WDR27: variants seen among roughly 807,000 people sequenced by gnomAD.
WDR27 encodes the protein WD repeat domain 27.
In WDR27, 100 loss-of-function variants were observed where a neutral mutation model predicts 114.4. The observed-to-expected ratio is 0.87, with a 90% CI of 0.74 to 1.03. The LOEUF (loss-of-function observed/expected upper bound fraction) is 1.03, where lower values mean the gene tolerates loss of function less well. WDR27 is among the 50% of genes least tolerant of loss of function. WDR27 has a pLI of 0.00. For synonymous variants in WDR27, 449 were observed against 423.1 expected, an observed-to-expected ratio of 1.06 and a Z score of -0.75; for missense variants, 1,129 against 1,092.9, an observed-to-expected ratio of 1.03 and a Z score of -0.47.
At chr6:169,522,496 C>T (rs572982021) in intron 25 of WDR27, among the ~76,000 whole-genome samples, 245 of 152,150 alleles carry the variant, frequency 1.6e-3, no homozygotes, top group Middle Eastern at 3.4e-3. Context: ...GAACATTTCA[C>T]GCAGTTGCTG....
chr6:169,656,406 A>C (rs968232593), intron 13 of WDR27, among the ~76,000 whole-genome samples: 13 of 151,998 alleles, frequency 8.6e-5, no homozygotes, highest in African/African-American at 3.1e-4. Flanking sequence ...TTCCCTGGGG[A>C]CCTGCCTGTG....
At chr6:169,467,647 C>A (rs771409393) in intron 25 of WDR27, among the ~76,000 whole-genome samples, 8 of 152,194 alleles carry the variant, frequency 5.3e-5, no homozygotes, top group South Asian at 2.1e-4. Context: ...AGCAGCAAAG[C>A]CCTGGGACCA....
chr6:169,693,526 A>G (rs937413073), intron 1 of WDR27, among the ~76,000 whole-genome samples: 2 of 152,230 alleles, frequency 1.3e-5, no homozygotes, highest in Non-Finnish European at 2.9e-5. Context: ...GCTCCACTGG[A>G]AAGATACAAA....
rs145440232 is a variant in WDR27 at position 169,583,512 on chromosome 6, TAC to T, written c.2425-580_2425-579del. 2.3e-3 allele frequency among the ~76,000 whole-genome samples: 89 copies of T among 38,890 alleles called. 1 individual carries two copies. The highest frequency in any genetic ancestry group is 9.2e-3 in the South Asian group (11 of 1,192). The allele number at this position is 38,890 out of a possible 152,430, so 25.5% of individuals were successfully genotyped here. On this transcript the variant is annotated intron_variant, in intron 23 of 25. Transcript: ENST00000448612. ...ACATATATATATATATATGTATATA[TAC>T]ACACACACACACACACACACACACA...
chr6:169,527,212 T>A (rs868742448), intron 25 of WDR27, among the ~76,000 whole-genome samples: 35 of 152,204 alleles, frequency 2.3e-4, no homozygotes, highest in African/African-American at 8.2e-4. Flanking sequence ...ACAGCATTAT[T>A]CACTATAGCC....
chr6:169,521,144 G>T (rs1794327943), intron 25 of WDR27, among the ~76,000 whole-genome samples: 1 of 151,698 alleles, frequency 6.6e-6, no homozygotes, highest in African/African-American at 2.4e-5. Flanking sequence ...AGCAGCAAGA[G>T]AAAAGTAAAT....
intron 25 of WDR27, among the ~76,000 whole-genome samples, chr6:169,500,503 G>A (rs1045158215): frequency 6.6e-6 from 1 of 152,196 alleles, no homozygotes; most frequent in Non-Finnish European, 1.5e-5. Flanking sequence ...TAACTTCTGA[G>A]CTGGGACCTA....
At chr6:169,452,451 C>G (rs924890800), downstream of WDR27, among the ~76,000 whole-genome samples, 1 of 152,252 alleles carries the variant, frequency 6.6e-6, no homozygotes, top group Non-Finnish European at 1.5e-5. Context: ...TGTGAAGAAA[C>G]GGCTGCAGTG....
chr6:169,480,862 T>G (rs1680572159), intron 25 of WDR27, among the ~76,000 whole-genome samples: 1 of 148,152 alleles, frequency 6.7e-6, no homozygotes, highest in African/African-American at 2.6e-5. Context: ...TGTGTCTAGC[T>G]AAAAGTTTGT....
In WDR27 at chr6:169,633,075, T is replaced by A; in HGVS notation, c.2102-7A>T. The A allele has an allele frequency of 1.3e-6, 2 of 1,574,966 alleles. No homozygotes were observed. The highest frequency in any genetic ancestry group is 8.7e-7 in the Non-Finnish European group (1 of 1,149,972). ...CCAGCTGCGAGTACGATGTCTGCGA[T>A]AATCCAGTTAGGGAGCTCTTCTCAA... On this transcript the variant is annotated splice_region_variant and splice_polypyrimidine_tract_variant and intron_variant, in intron 20 of 25. Transcript: ENST00000448612.
intron 25 of WDR27, among the ~76,000 whole-genome samples, chr6:169,557,538 T>C (rs1232696500): frequency 3.9e-5 from 6 of 152,244 alleles, no homozygotes; most frequent in Non-Finnish European, 8.8e-5. Flanking sequence ...CATGTGCTTA[T>C]TCAGTGCCTC....
chr6:169,465,054 T>A (rs1221486920), intron 25 of WDR27, among the ~76,000 whole-genome samples: 1 of 134,852 alleles, frequency 7.4e-6, no homozygotes, highest in Non-Finnish European at 1.6e-5. Flanking sequence ...AGGTCAGGAG[T>A]TCAAGAGCAG....
rs933820323 is a variant in WDR27, at chr6:169,624,736, G to A, written c.2223+8211C>T. ...CACTGAGAAGAGAGCTCACCTGACC[G>A]TCAACTAGAGCCCTTGCTGTGGCCT... On this transcript the variant is annotated intron_variant, in intron 21 of 25. Coordinates refer to ENST00000448612, the MANE Select transcript of WDR27 (RefSeq NM_182552.5). Among the ~76,000 whole-genome samples the A allele has an allele frequency of 3.9e-5, 6 of 152,284 alleles. No individual in the cohort carries two copies. The South Asian group carries it at 6.2e-4, about 16-fold the overall frequency.
rs1805321029 is a variant in WDR27 at position 169,589,659 on chromosome 6, C to A, written c.2425-6725G>T. 2.0e-5 allele frequency among the ~76,000 whole-genome samples: 3 copies of A among 152,056 alleles called. No individual in the cohort carries two copies. The South Asian group carries it at 6.2e-4, about 32-fold the overall frequency. On this transcript the variant is annotated intron_variant, in intron 23 of 25. Transcript: ENST00000448612. ...ACATGTGACACAGCAATTGGAAGCCCAAATATCAATATTTTAGTAGATAGG... is the reference window on the plus strand; with the variant it reads ...ACATGTGACACAGCAATTGGAAGCCAAAATATCAATATTTTAGTAGATAGG...
In WDR27 at chr6:169,701,867, C is replaced by T. The variant is rs1483003019; in HGVS notation, c.-324G>A. ...GCCCTAGGCACACGCCCCAGAGCAG[C>T]AGCTCGGGTTCGGCGCCGACTCCGC... is the stretch of plus-strand genomic sequence containing the variant. On this transcript the variant is annotated 5_prime_UTR_variant, in exon 1 of 26. Transcript: ENST00000448612. 5.9e-6 allele frequency: 2 copies of T among 340,798 alleles called. No individual in the cohort carries two copies. Among genetic ancestry groups the T allele is most frequent in the African/African-American group, 2.2e-5 (1 of 44,878 alleles). The allele number at this position is 340,798 out of a possible 1,614,324, so 21.1% of individuals were successfully genotyped here.
rs1487809684 is a variant in WDR27, at chr6:169,684,899, C to T, written c.189+3918G>A. On this transcript the variant is annotated intron_variant, in intron 2 of 25. Transcript: ENST00000448612. The surrounding 1 kb of genome is among the most constrained non-coding windows in gnomAD (Gnocchi z 4.3). The stretch of plus-strand genomic sequence containing the variant: ...CCTGGCCACAATAACATCCCTGTGG[C>T]CCCAACCCCAGCAAGCCAGACCCCA... 6.6e-6 allele frequency among the ~76,000 whole-genome samples: 1 copy of T among 152,190 alleles called. No individual in the cohort carries two copies. The highest frequency in any genetic ancestry group is 1.5e-5 in the Non-Finnish European group (1 of 68,044).
rs143053647 is a variant in WDR27 at position 169,651,815 on chromosome 6, T to C, written c.1481+115A>G. 5.5e-4 allele frequency: 477 copies of C among 872,652 alleles called. No individual in the cohort carries two copies. The African/African-American group carries it at 6.0e-3, about 11-fold the overall frequency. The allele number at this position is 872,652 out of a possible 1,614,324, so 54.1% of individuals were successfully genotyped here. A position where few individuals can be genotyped will look rare whatever the true frequency, so the allele number is the denominator to read the frequency against. On this transcript the variant is annotated intron_variant, in intron 14 of 25. Coordinates refer to ENST00000448612, the MANE Select transcript of WDR27 (RefSeq NM_182552.5). ...ATTTTAACTTCTGTTTCTATTGCTATGTCCTCTCTCCATACTGTGGCCCTC... is the reference window on the plus strand; with the variant it reads ...ATTTTAACTTCTGTTTCTATTGCTACGTCCTCTCTCCATACTGTGGCCCTC...
chr6:169,528,381 T>G (rs1323420278), intron 25 of WDR27, among the ~76,000 whole-genome samples: 1 of 152,210 alleles, frequency 6.6e-6, no homozygotes, highest in Admixed American at 6.5e-5. Context: ...AAACCCTTTC[T>G]GATCCAGAGA....
chr6:169,529,244 A>AT (rs1055824913), intron 25 of WDR27, among the ~76,000 whole-genome samples: 1 of 143,112 alleles, frequency 7.0e-6, no homozygotes, highest in African/African-American at 2.5e-5. Flanking sequence ...GAATAGACGC[A>AT]TACACACCCA....
Sources: gnomAD v4.1 joint callset for allele counts (sites outside exome capture counted in the v4.1 genomes callset) on GRCh38, gnomAD v4.1.1 for gene constraint, Gnocchi (gnomAD v3.1) non-coding constraint, MANE v1.5 for transcripts, NCBI Gene and HGNC (gene_info 2026-07-23, HGNC 2026-07-21) for gene names.